Variants in ACSM2B observed in about 807,000 individuals in gnomAD.
The protein encoded by ACSM2B is acyl-CoA synthetase medium chain family member 2B, also known as acyl-coenzyme A synthetase ACSM2B, mitochondrial.
In ACSM2B, 58 loss-of-function variants were observed where a neutral mutation model predicts 78.6. That is an observed-to-expected ratio of 0.74 (90% CI 0.60 to 0.92). The LOEUF is 0.92. Ranked by LOEUF, ACSM2B falls within the 40% of genes least tolerant of loss-of-function variation. The pLI is 0.00. For synonymous variants in ACSM2B, 257 were observed against 256.8 expected (o/e 1.00, Z -0.01); for missense variants, 688 against 711.2 (o/e 0.97, Z 0.37).
chr16:20,572,940 T>C (rs975264339), intron 1 of ACSM2B, among the ~76,000 whole-genome samples: 2 of 151,456 alleles, frequency 1.3e-5, no homozygotes, highest in African/African-American at 4.8e-5. Flanking sequence ...GTATGCTATC[T>C]ATTTCACTGA....
At chr16:20,567,161 A>T (rs2015923116) in intron 1 of ACSM2B, among the ~76,000 whole-genome samples, 1 of 134,340 alleles carries the variant, frequency 7.4e-6, no homozygotes, top group Non-Finnish European at 1.6e-5. Context: ...TAATAAGATT[A>T]TATATTATAT....
rs776142687 is a variant in ACSM2B at position 20,543,002 on chromosome 16, C to T, written c.1421G>A (p.Gly474Glu). ...CAGTGCATTCTCTACCTCCGAGGGTCCAATCCGGTACCTGCAGAAGAACCT... is the reference window on the plus strand; with the variant it reads ...CAGTGCATTCTCTACCTCCGAGGGTTCAATCCGGTACCTGCAGAAGAACCT... ...DIINSSGYRI[G>E]PSEVENALMK... The change falls in exon 12 of 14, where the codon GGA (glycine) becomes GAA (glutamate). Residue 474 changes from glycine (G) to glutamate (E), a missense_variant. Physicochemically the swap from Gly to Glu is moderately conservative, Grantham distance 98. Transcript: ENST00000329697. 4.3e-6 allele frequency: 7 copies of T among 1,613,530 alleles called. No homozygotes were observed. Among genetic ancestry groups the T allele is most frequent in the Non-Finnish European group, 5.9e-6 (7 of 1,179,876 alleles).
intron 1 of ACSM2B, among the ~76,000 whole-genome samples, chr16:20,572,952 GAT>G (rs1231793622): frequency 6.8e-6 from 1 of 148,000 alleles, no homozygotes; most frequent in Non-Finnish European, 1.5e-5. Context: ...TTTCACTGAA[GAT>G]TTCTCCCCTC....
intron 9 of ACSM2B, among the ~76,000 whole-genome samples, 188 bp downstream of exon 9, chr16:20,546,206 A>G (rs1199178769): frequency 6.6e-6 from 1 of 151,788 alleles, no homozygotes; most frequent in African/African-American, 2.4e-5. Context: ...AATATAAATC[A>G]TTTCTCCTTT....
intron 1 of ACSM2B, among the ~76,000 whole-genome samples, chr16:20,572,667 A>G (rs143808141): frequency 0.092 from 13,809 of 149,296 alleles, 1,183 homozygotes; most frequent in African/African-American, 0.25. Flanking sequence ...CCTTGAATAC[A>G]TTTCCCAAAC....
intron 4 of ACSM2B, among the ~76,000 whole-genome samples, chr16:20,554,374 A>G (rs2015406982): frequency 1.3e-5 from 2 of 152,124 alleles, no homozygotes; most frequent in African/African-American, 4.8e-5. Flanking sequence ...ACTCTCTTCT[A>G]TTCCCTGGAA....
intron 8 of ACSM2B, chr16:20,547,696 T>C: frequency 2.7e-6 from 3 of 1,100,340 alleles, no homozygotes; most frequent in Non-Finnish European, 3.3e-6. Flanking sequence ...CTTTGGTCTC[T>C]GCTAAAATGT....
At chr16:20,550,869 T>G (rs2015291843) in intron 6 of ACSM2B, among the ~76,000 whole-genome samples, 1 of 152,152 alleles carries the variant, frequency 6.6e-6, no homozygotes. Context: ...TACCATCAAG[T>G]TCTATAGGAA....
chr16:20,543,303 C>T (rs2015051150), intron 10 of ACSM2B, 41 bp from the exon 11 acceptor site: 2 of 1,613,044 alleles, frequency 1.2e-6, no homozygotes, highest in South Asian at 1.1e-5. Flanking sequence ...GCCTGCAAAG[C>T]CTAAATCCCC....
intron 1 of ACSM2B, among the ~76,000 whole-genome samples, chr16:20,571,004 T>G (rs1230635512): frequency 6.6e-6 from 1 of 152,030 alleles, no homozygotes; most frequent in East Asian, 1.9e-4. Context: ...TCAATCTTAT[T>G]TGTCTTTTCA....
intron 2 of ACSM2B, 55 bp from the exon 3 acceptor site, chr16:20,559,502 A>T: frequency 6.3e-7 from 1 of 1,582,538 alleles, no homozygotes; most frequent in African/African-American, 1.4e-5. Flanking sequence ...AGCAGGTAGG[A>T]TAAATTCCAA....
intron 6 of ACSM2B, among the ~76,000 whole-genome samples, chr16:20,550,267 G>T (rs1439961772): frequency 6.6e-6 from 1 of 152,096 alleles, no homozygotes; most frequent in Admixed American, 6.6e-5. Flanking sequence ...TAGAAAAAAT[G>T]ACAAATGTGA....
intron 10 of ACSM2B, chr16:20,544,895 A>G: frequency 8.7e-7 from 1 of 1,147,490 alleles, no homozygotes; most frequent in Non-Finnish European, 1.1e-6. Flanking sequence ...TATTTTGGGC[A>G]TGAAACAGAG....
intron 9 of ACSM2B, among the ~76,000 whole-genome samples, chr16:20,546,095 TATGTCAAG>T (rs1331753322): frequency 6.6e-6 from 1 of 152,202 alleles, no homozygotes; most frequent in African/African-American, 2.4e-5. Context: ...TACAAAATAT[TATGTCAAG>T]ATTCACCCCA....
intron 7 of ACSM2B, 76 bp downstream of exon 7, chr16:20,548,318 A>G (rs1323610081): frequency 2.5e-6 from 4 of 1,606,472 alleles, no homozygotes; most frequent in Admixed American, 3.4e-5. Context: ...AGATTCAGAT[A>G]GATAGGCATG....
intron 2 of ACSM2B, among the ~76,000 whole-genome samples, chr16:20,560,638 C>A (rs1038017134): frequency 4.6e-5 from 7 of 151,716 alleles, no homozygotes; most frequent in African/African-American, 1.7e-4. Flanking sequence ...AAGAACAGTC[C>A]GATACAGAAA....
At chr16:20,566,734 G>GTATATATACTATATATAGTA (rs1447077110) in intron 1 of ACSM2B, among the ~76,000 whole-genome samples, 1 of 6,326 alleles carries the variant, frequency 1.6e-4, no homozygotes, top group African/African-American at 6.6e-4. Context: ...ACTATATATA[G>GTATATATACTATATATAGTA]TATATACTAT....
chr16:20,555,513 G>A lies in ACSM2B; in HGVS notation c.389-37C>T, dbSNP rs368798496. On this transcript the variant is annotated intron_variant, in intron 3 of 13. Transcript: ENST00000329697. ...AACAATTTAGAGAATTGGAAAGGAT[G>A]GTTTTCTTTGTCCCTAGAGAAGCCT... 5.0e-6 allele frequency: 8 copies of A among 1,610,170 alleles called. No homozygotes were observed. The African/African-American group carries it at 9.4e-5, about 19-fold the overall frequency.
chr16:20,564,797 G>T lies in ACSM2B; in HGVS notation c.49C>A (p.Gln17Lys). 6.2e-7 allele frequency: 1 copy of T among 1,613,034 alleles called. No individual in the cohort carries two copies. The highest frequency in any genetic ancestry group is 1.1e-5 in the South Asian group (1 of 90,958). The change falls in exon 2 of 14, where the codon CAG becomes AAG. Residue 17 changes from glutamine to lysine, a missense_variant. Transcript: ENST00000329697. Reference sequence around the variant, plus strand: ...ATGTAGAGAGTGCGGCTGGACATCTGAGTACCCCACAGGGTGCAAAGTCCC... The same window carrying T: ...ATGTAGAGAGTGCGGCTGGACATCTTAGTACCCCACAGGGTGCAAAGTCCC... ...VQGLCTLWGT[Q>K]MSSRTLYINS... is the part of the protein sequence containing the mutation.
Sources: gnomAD v4.1 joint callset for allele counts (sites outside exome capture counted in the v4.1 genomes callset) on GRCh38, gnomAD v4.1.1 for gene constraint, MANE v1.5 for transcripts, NCBI Gene and HGNC (gene_info 2026-07-23, HGNC 2026-07-21) for gene names.